SMYD3: variants seen among roughly 807,000 people sequenced by gnomAD.
The protein encoded by SMYD3 is SET and MYND domain containing 3.
A neutral mutation model predicts 57.7 loss-of-function variants in SMYD3; 36 were observed. The ratio of observed to expected loss-of-function variants is 0.62; its 90% CI spans 0.48 to 0.82. SMYD3 has a LOEUF of 0.82. SMYD3 is among the 40% of genes least tolerant of loss of function. The pLI is 0.00. For synonymous variants in SMYD3, 211 were observed against 195.0 expected, an observed-to-expected ratio of 1.08 and a Z score of -0.68; for missense variants, 515 against 538.8, an observed-to-expected ratio of 0.96 and a Z score of 0.44.
rs554010855 is a variant in SMYD3, at chr1:245,816,996, G to A, written c.1076+41500C>T. ...GGGGCGCCCGCCATTGCCCAGGCTT[G>A]CTTAGGTAAACAAAGCAGCCGGGAA... On this transcript the variant is annotated intron_variant, in intron 10 of 11. Coordinates refer to ENST00000490107, the MANE Select transcript of SMYD3 (RefSeq NM_001167740.2). Among the ~76,000 whole-genome samples the A allele has an allele frequency of 6.6e-5, 10 of 151,728 alleles. 1 individual carries two copies. The highest frequency in any genetic ancestry group is 3.9e-4 in the Admixed American group (6 of 15,246).
chr1:246,341,719 A>G lies in SMYD3; in HGVS notation c.229-6245T>C, dbSNP rs144137900. ...ATTTATTTCTTTCTTACGCAAAATA[A>G]CATTTGCACTATTATCATATTTCCC... On this transcript the variant is annotated intron_variant, in intron 2 of 11. Transcript: ENST00000490107. Among the ~76,000 whole-genome samples the G allele has an allele frequency of 2.3e-3, 354 of 152,346 alleles. 2 individuals are homozygous for G. The highest frequency in any genetic ancestry group is 7.9e-3 in the African/African-American group (330 of 41,588).
intron 2 of SMYD3, among the ~76,000 whole-genome samples, chr1:246,341,771 T>C (rs901517907): frequency 2.0e-5 from 3 of 152,230 alleles, no homozygotes; most frequent in Admixed American, 6.5e-5. Context: ...AAAGTCCCTA[T>C]TGCTCACTCA....
At chr1:246,348,409 C>A (rs1185103948) in intron 2 of SMYD3, among the ~76,000 whole-genome samples, 1 of 151,722 alleles carries the variant, frequency 6.6e-6, no homozygotes, top group African/African-American at 2.4e-5. Context: ...GAGCAAGACT[C>A]TGTCTCGGAA....
intron 8 of SMYD3, among the ~76,000 whole-genome samples, chr1:245,896,749 A>G (rs1370156092): frequency 6.6e-6 from 1 of 152,160 alleles, no homozygotes; most frequent in Non-Finnish European, 1.5e-5. Flanking sequence ...CACAGCCATG[A>G]CGCCCACCAT....
rs1010805783 is a variant in SMYD3, at chr1:245,920,428, G to GA, written c.703-4789dup. Among the ~76,000 whole-genome samples the GA allele has an allele frequency of 5.9e-5, 9 of 151,820 alleles. No homozygotes were observed. The South Asian group carries it at 1.7e-3, about 28-fold the overall frequency. On this transcript the variant is annotated intron_variant, in intron 7 of 11. Coordinates refer to ENST00000490107, the MANE Select transcript of SMYD3 (RefSeq NM_001167740.2). The stretch of plus-strand genomic sequence containing the variant: ...TTCTGTTAATACTGGCTCTGAACTG[G>GA]AAAAAAGCCTGAAAAATGTCACTTC...
chr1:246,477,174 T>C (rs1054700691), intron 1 of SMYD3, among the ~76,000 whole-genome samples: 1 of 152,242 alleles, frequency 6.6e-6, no homozygotes, highest in African/African-American at 2.4e-5. Flanking sequence ...TTCTAAAAAC[T>C]TTCTTGCACA....
chr1:246,179,396 TTGTA>T (rs2062493958), intron 5 of SMYD3, among the ~76,000 whole-genome samples: 1 of 152,072 alleles, frequency 6.6e-6, no homozygotes, highest in African/African-American at 2.4e-5. Context: ...AAAATGGGGG[TTGTA>T]TGTGTGTCCT....
rs184280451 is a variant in SMYD3 at position 246,092,668 on chromosome 1, A to G, written c.532-162731T>C. On this transcript the variant is annotated intron_variant, in intron 5 of 11. Transcript: ENST00000490107. ...AGCTATGAAGCTACTAGAAGAAAAC[A>G]TTGGAGAAATGCTTCAGGGTATTGG... Among the ~76,000 whole-genome samples the G allele has an allele frequency of 4.6e-5, 7 of 152,334 alleles. No individual in the cohort carries two copies. The East Asian group carries it at 1.2e-3, about 25-fold the overall frequency.
At chr1:246,445,332 G>C (rs574665503) in intron 1 of SMYD3, among the ~76,000 whole-genome samples, 2 of 152,308 alleles carry the variant, frequency 1.3e-5, no homozygotes, top group East Asian at 3.9e-4. Context: ...TGAGTGAAAA[G>C]AAGGTTTTTA....
At chr1:246,264,761 G>T (rs1261673630) in intron 5 of SMYD3, among the ~76,000 whole-genome samples, 1 of 152,178 alleles carries the variant, frequency 6.6e-6, no homozygotes, top group Admixed American at 6.5e-5. Context: ...ACCTGTTAGT[G>T]GCTCTGCTAT....
chr1:245,856,587 G>GGT (rs1414748855), intron 10 of SMYD3, among the ~76,000 whole-genome samples: 2 of 152,202 alleles, frequency 1.3e-5, no homozygotes, highest in African/African-American at 4.8e-5. Context: ...AGCTACTTAA[G>GGT]GTGTAAGTTA....
intron 10 of SMYD3, among the ~76,000 whole-genome samples, chr1:245,852,673 TTCTC>T (rs937600262): frequency 5.9e-5 from 9 of 152,200 alleles, no homozygotes; most frequent in Non-Finnish European, 5.9e-5. Flanking sequence ...TCTTCCCTCT[TTCTC>T]TATTTTCCCC....
chr1:246,299,346 A>T (rs1392973151), intron 5 of SMYD3, among the ~76,000 whole-genome samples: 1 of 152,106 alleles, frequency 6.6e-6, no homozygotes, highest in Non-Finnish European at 1.5e-5. Flanking sequence ...AAAAAATAAC[A>T]TGTTGGTGAG....
At chr1:246,488,585 C>G (rs546532029) in intron 1 of SMYD3, among the ~76,000 whole-genome samples, 1 of 152,300 alleles carries the variant, frequency 6.6e-6, no homozygotes, top group South Asian at 2.1e-4. Flanking sequence ...ACTGGGGAAT[C>G]TGAGGCAGGA....
chr1:246,134,153 C>A (rs116062170), intron 5 of SMYD3, among the ~76,000 whole-genome samples: 163 of 152,220 alleles, frequency 1.1e-3, no homozygotes, highest in African/African-American at 3.9e-3. Context: ...TTGTCACCTG[C>A]TGTATTACAT....
chr1:245,982,975 G>C (rs189464428), intron 5 of SMYD3, among the ~76,000 whole-genome samples: 1 of 152,200 alleles, frequency 6.6e-6, no homozygotes. Context: ...CAACGCAAAT[G>C]CTCAAGGTAC....
intron 5 of SMYD3, among the ~76,000 whole-genome samples, chr1:246,003,073 A>G (rs4654185): frequency 0.26 from 39,722 of 152,184 alleles, 6,918 homozygotes; most frequent in East Asian, 0.51. Context: ...GGTTGTAGGT[A>G]GGAGGATTGG....
intron 5 of SMYD3, among the ~76,000 whole-genome samples, chr1:245,956,450 G>C (rs2147968533): frequency 6.6e-6 from 1 of 152,310 alleles, no homozygotes; most frequent in East Asian, 1.9e-4. Context: ...ACACAAGTGA[G>C]GGAGCAAAAC....
At chr1:246,216,571 G>A (rs1467550864) in intron 5 of SMYD3, among the ~76,000 whole-genome samples, 3 of 152,030 alleles carry the variant, frequency 2.0e-5, no homozygotes, top group Non-Finnish European at 2.9e-5. Context: ...AAAAGAGAAC[G>A]TCTTTGTTTT....
Sources: gnomAD v4.1 joint callset for allele counts (sites outside exome capture counted in the v4.1 genomes callset) on GRCh38, gnomAD v4.1.1 for gene constraint, MANE v1.5 for transcripts, NCBI Gene and HGNC (gene_info 2026-07-23, HGNC 2026-07-21) for gene names.